Variants in PCDHGB3 observed in about 807,000 individuals in gnomAD.
The protein encoded by PCDHGB3 is protocadherin gamma subfamily B, 3.
In PCDHGB3, 40 loss-of-function variants were observed where a neutral mutation model predicts 59.2. The ratio of observed to expected loss-of-function variants is 0.68; its 90% CI spans 0.52 to 0.88. The LOEUF (loss-of-function observed/expected upper bound fraction) is 0.88. Ranked by LOEUF, PCDHGB3 falls within the 40% of genes least tolerant of loss-of-function variation. PCDHGB3 has a pLI of 0.00. For missense variants in PCDHGB3, 1,309 were observed against 1,187.9 expected (o/e 1.10, Z -1.50); for synonymous variants, 581 against 503.6 (o/e 1.15, Z -2.06).
chr5:141,417,001 ATAAT>A (rs2096073629), intron 1 of PCDHGB3: 2 of 150,812 alleles, frequency 1.3e-5, no homozygotes, highest in Non-Finnish European at 1.5e-5. Flanking sequence ...TTCATCTCAA[ATAAT>A]TCTATTATTT....
rs146235929 is a variant in PCDHGB3 at position 141,511,610 on chromosome 5, C to A, written c.*437C>A. On this transcript the variant is annotated 3_prime_UTR_variant, in exon 4 of 4. Transcript: ENST00000576222. ...GAAGTACCAAGTAACCTACAAGCCT[C>A]CTAGTTCTGAAAAGTTGGAAGGGCA... 1.0e-3 allele frequency: 247 copies of A among 237,682 alleles called. 1 individual carries two copies. The highest frequency in any genetic ancestry group is 5.2e-3 in the African/African-American group (235 of 45,400). The allele number at this position is 237,682 out of a possible 1,614,324, so 14.7% of individuals were successfully genotyped here. A position where few individuals can be genotyped will look rare whatever the true frequency, so the allele number is the denominator to read the frequency against.
In PCDHGB3 at chr5:141,394,482, G is replaced by T. The variant is rs751618237; in HGVS notation, c.2415+21673G>T. On this transcript the variant is annotated intron_variant, in intron 1 of 3. Coordinates refer to ENST00000576222, the MANE Select transcript of PCDHGB3 (RefSeq NM_018924.5). ...GAGCCTGTTCGTGCTGGACCAGAAT[G>T]ACAACGCGCCCGAGATCCTGTACCC... 8 of 1,614,122 alleles carry T rather than the reference G, an allele frequency of 5.0e-6. No homozygotes were observed. The African/African-American group carries it at 1.1e-4, about 22-fold the overall frequency.
intron 1 of PCDHGB3, chr5:141,418,959 C>A: frequency 6.2e-7 from 1 of 1,613,976 alleles, no homozygotes; most frequent in East Asian, 2.2e-5. Flanking sequence ...GTGGTTGTTG[C>A]CCTCTTCAAA....
intron 1 of PCDHGB3, chr5:141,375,404 A>T: frequency 1.2e-6 from 2 of 1,613,912 alleles, no homozygotes; most frequent in South Asian, 1.1e-5. Flanking sequence ...CATCTCTCTA[A>T]ATGTGGCAGA....
chr5:141,436,277 T>G (rs2097806022), intron 1 of PCDHGB3, among the ~76,000 whole-genome samples: 1 of 152,194 alleles, frequency 6.6e-6, no homozygotes, highest in Non-Finnish European at 1.5e-5. Flanking sequence ...TAACTTGATT[T>G]AGGAACAAAT....
At position 141,485,800 on chromosome 5, in the gene PCDHGB3, C is replaced by T. The variant is rs1231777430; in HGVS notation, c.2416-9007C>T. On this transcript the variant is annotated intron_variant, in intron 1 of 3. Coordinates refer to ENST00000576222, the MANE Select transcript of PCDHGB3 (RefSeq NM_018924.5). This position sits in a 1 kb window ranked among gnomAD's most constrained non-coding sequence, Gnocchi z 5.7. The stretch of plus-strand genomic sequence containing the variant: ...ATCGAGAGAAGCAATCGGACTACCG[C>T]CTGGTGCTGACTGCTGTCGATGGAG... 1 of 1,614,228 alleles carries T rather than the reference C, an allele frequency of 6.2e-7. No homozygotes were observed. Among genetic ancestry groups the T allele is most frequent in the East Asian group, 2.2e-5 (1 of 44,878 alleles).
rs1372113910 is a variant in PCDHGB3, at chr5:141,384,481, C to T, written c.2415+11672C>T. On this transcript the variant is annotated intron_variant, in intron 1 of 3. Coordinates refer to ENST00000576222, the MANE Select transcript of PCDHGB3 (RefSeq NM_018924.5). ...CTTTGATTATGAGCAGTTGAGAGAA[C>T]TACAACTAAGAGTGACTGCACATGA... 1.9e-6 allele frequency: 3 copies of T among 1,614,022 alleles called. No homozygotes were observed. The Admixed American group carries it at 5.0e-5, about 27-fold the overall frequency.
At chr5:141,482,239 A>G (rs529504334) in intron 1 of PCDHGB3, among the ~76,000 whole-genome samples, 31 of 152,332 alleles carry the variant, frequency 2.0e-4, no homozygotes, top group Middle Eastern at 3.4e-3. Context: ...TGCCAATATA[A>G]GTATAGTACT....
intron 1 of PCDHGB3, chr5:141,414,344 T>C: frequency 6.2e-7 from 1 of 1,613,882 alleles, no homozygotes; most frequent in Non-Finnish European, 8.5e-7. Flanking sequence ...ACCTGTTCCA[T>C]TTTGGCGTAT....
Position 141,490,896 on chromosome 5 carries a change from G to A in PCDHGB3, c.2416-3911G>A. 6.2e-7 allele frequency: 1 copy of A among 1,613,938 alleles called. No homozygotes were observed. Among genetic ancestry groups the A allele is most frequent in the Non-Finnish European group, 8.5e-7 (1 of 1,179,922 alleles). ...TGCATGCCAACACATCTCTGCATGTGTTTGTCCTAGACGAGAATGATAATG... is the reference window on the plus strand; with the variant it reads ...TGCATGCCAACACATCTCTGCATGTATTTGTCCTAGACGAGAATGATAATG... On this transcript the variant is annotated intron_variant, in intron 1 of 3. Coordinates refer to ENST00000576222, the MANE Select transcript of PCDHGB3 (RefSeq NM_018924.5). This position sits in a 1 kb window ranked among gnomAD's most constrained non-coding sequence, Gnocchi z 5.4.
chr5:141,445,134 A>G lies in PCDHGB3; in HGVS notation c.2416-49673A>G, dbSNP rs900226020. ...TTGTAAATAGTATTTTTAAAATTGT[A>G]TCTTCTAATTGTTCATTTCTAGTTT... On this transcript the variant is annotated intron_variant, in intron 1 of 3. Transcript: ENST00000576222. Among the ~76,000 whole-genome samples, 174 of 152,316 alleles carry G rather than the reference A, an allele frequency of 1.1e-3. 4 individuals carry two copies. The highest frequency in any genetic ancestry group is 5.3e-4 in the Non-Finnish European group (36 of 68,016).
chr5:141,478,668 T>G (rs1411369994), intron 1 of PCDHGB3: 40 of 1,551,660 alleles, frequency 2.6e-5, no homozygotes, highest in Non-Finnish European at 3.4e-5. Flanking sequence ...CATTCACACT[T>G]TCAACTGGCC....
intron 1 of PCDHGB3, chr5:141,387,690 C>A: frequency 1.2e-6 from 1 of 833,028 alleles, no homozygotes; most frequent in Non-Finnish European, 1.8e-6. Context: ...AGCCGCAGCG[C>A]GCTTTCCAGG....
At chr5:141,504,980 G>A (rs113323355) in intron 2 of PCDHGB3, among the ~76,000 whole-genome samples, 174 of 152,196 alleles carry the variant, frequency 1.1e-3, no homozygotes, top group African/African-American at 3.9e-3. Context: ...TGGCCAACAT[G>A]GTGAAACCCC....
At chr5:141,422,126 GAGA>G (rs767100115) in intron 1 of PCDHGB3, 2 of 1,601,210 alleles carry the variant, frequency 1.2e-6, no homozygotes, top group South Asian at 2.3e-5. Context: ...TCACAAACTG[GAGA>G]AGTTCAAGTA....
rs200580042 is a variant in PCDHGB3 at position 141,486,553 on chromosome 5, T to C, written c.2416-8254T>C. 5.4e-5 allele frequency: 87 copies of C among 1,614,028 alleles called. No individual in the cohort carries two copies. The highest frequency in any genetic ancestry group is 7.2e-5 in the Non-Finnish European group (85 of 1,180,046). On this transcript the variant is annotated intron_variant, in intron 1 of 3. Coordinates refer to ENST00000576222, the MANE Select transcript of PCDHGB3 (RefSeq NM_018924.5). The surrounding 1 kb of genome is among the most constrained non-coding windows in gnomAD (Gnocchi z 5.0). ...CACCCTCTTTCTTTCAGAGGTCACA[T>C]GAGGTGTTTGTTCCTGAGAACAATC...
At chr5:141,388,764 T>A in intron 1 of PCDHGB3, 1 of 1,613,990 alleles carries the variant, frequency 6.2e-7, no homozygotes. Flanking sequence ...TGACCTGAAC[T>A]CTAACACCGG....
rs377547144 is a variant in PCDHGB3, at chr5:141,409,030, G to A, written c.2415+36221G>A. The stretch of plus-strand genomic sequence containing the variant: ...ACCAGGATGAGGGGGTCAATGCTGA[G>A]ATAAACTACTACTTCCGAAGCACTG... On this transcript the variant is annotated intron_variant, in intron 1 of 3. Transcript: ENST00000576222. 9.9e-6 allele frequency: 16 copies of A among 1,613,892 alleles called. No homozygotes were observed. The African/African-American group carries it at 2.0e-4, about 20-fold the overall frequency.
intron 1 of PCDHGB3, among the ~76,000 whole-genome samples, chr5:141,450,112 T>G (rs2098669735): frequency 6.6e-6 from 1 of 150,618 alleles, no homozygotes; most frequent in Non-Finnish European, 1.5e-5. Context: ...GTTCAAATGA[T>G]TCTCCTGCCT....
Sources: allele counts gnomAD v4.1 joint callset (sites outside exome capture counted in the v4.1 genomes callset), GRCh38; gene constraint gnomAD v4.1.1; non-coding constraint Gnocchi (gnomAD v3.1); transcripts MANE v1.5; gene names NCBI Gene and HGNC (gene_info 2026-07-23, HGNC 2026-07-21).